The following AKAP8L variants were observed in gnomAD, a reference collection of about 807,000 sequenced individuals.
The protein encoded by AKAP8L is A-kinase anchoring protein 8 like.
Under a neutral mutation model 77.5 loss-of-function variants are expected in AKAP8L, and 34 were observed. The observed-to-expected ratio is 0.44, with a 90% CI of 0.33 to 0.58. AKAP8L has a LOEUF of 0.58. AKAP8L is among the 20% of genes least tolerant of loss of function. AKAP8L has a pLI of 0.02. For synonymous variants in AKAP8L, 342 were observed against 340.7 expected (o/e 1.00, Z -0.04); for missense variants, 806 against 887.6 (o/e 0.91, Z 1.17).
Position 15,403,619 on chromosome 19 carries a change from C to G in AKAP8L, c.218G>C (p.Ser73Thr), listed in dbSNP as rs541815464. 1.2e-6 allele frequency: 2 copies of G among 1,613,848 alleles called. No homozygotes were observed. Among genetic ancestry groups the G allele is most frequent in the South Asian group, 2.2e-5 (2 of 91,082 alleles). ...MATSHSWEMP[S>T]SDTNANTSAS... ...ACTAGTGTTTGCATTTGTGTCAGAG[C>G]TAGGCATTTCCCAAGAGTGTGAAGT... Residue 73 changes from serine to threonine, a missense_variant, in exon 4 of 14, where the codon AGC becomes ACC. Ser to Thr is a moderately conservative substitution (Grantham distance 58). This residue lies in a region of AKAP8L where 580 missense variants were observed against 694.1 expected (regional missense o/e 0.84). Transcript: ENST00000397410. The surrounding 1 kb of genome is among the most constrained non-coding windows in gnomAD (Gnocchi z 4.3).
chr19:15,407,333 G>A (rs1335828918), intron 2 of AKAP8L, among the ~76,000 whole-genome samples: 1 of 152,138 alleles, frequency 6.6e-6, no homozygotes, highest in Non-Finnish European at 1.5e-5. Context: ...AAATCAGTAA[G>A]CTGATAAAAA....
At chr19:15,418,293 C>CA (rs1412328044) in intron 1 of AKAP8L, among the ~76,000 whole-genome samples, 39 of 152,352 alleles carry the variant, frequency 2.6e-4, no homozygotes, top group African/African-American at 8.7e-4. Context: ...GTTCATTTGA[C>CA]AGACGCAGAG....
At chr19:15,394,553 G>GT (rs924014943) in intron 12 of AKAP8L, among the ~76,000 whole-genome samples, 17 of 151,972 alleles carry the variant, frequency 1.1e-4, no homozygotes, top group African/African-American at 3.6e-4. Context: ...CATTTGTTTG[G>GT]TTTTTTTAGA....
At position 15,380,559 on chromosome 19, in the gene AKAP8L, G is replaced by A; in HGVS notation, c.1590C>T (p.Leu530=). Residue 530 remains leucine (L), a synonymous_variant, in exon 13 of 14, where the codon CTC becomes CTT. Coordinates refer to ENST00000397410, the MANE Select transcript of AKAP8L (RefSeq NM_014371.4). ...KSSLMVARSI[L]NNKLISKKLE... ...GCTTCTTGCTGATGAGCTTGTTGTTGAGAATACTGCGGGCCACCATGAGGG... is the reference window on the plus strand; with the variant it reads ...GCTTCTTGCTGATGAGCTTGTTGTTAAGAATACTGCGGGCCACCATGAGGG... 4.3e-6 allele frequency: 7 copies of A among 1,613,928 alleles called. No individual in the cohort carries two copies. The highest frequency in any genetic ancestry group is 5.9e-6 in the Non-Finnish European group (7 of 1,179,894).
chr19:15,380,143 C>T lies in AKAP8L; in HGVS notation c.1920G>A (p.Glu640=). Reference sequence around the variant, plus strand: ...CGGGTCACGGGGCGCCCCCGCCGCCCTCCTCGTCGTCCTCCACGTCGAGGC... The same window carrying T: ...CGGGTCACGGGGCGCCCCCGCCGCCTTCCTCGTCGTCCTCCACGTCGAGGC... ...IPGLDVEDDE[E]GGGGAP is the part of the protein sequence containing the mutation. Residue 640 remains glutamate, a synonymous_variant, in exon 14 of 14, where the codon GAG becomes GAA. Coordinates refer to ENST00000397410, the MANE Select transcript of AKAP8L (RefSeq NM_014371.4). 1 of 1,500,202 alleles carries T rather than the reference C, an allele frequency of 6.7e-7. No homozygotes were observed. The highest frequency in any genetic ancestry group is 8.8e-7 in the Non-Finnish European group (1 of 1,133,578). 92.9% of individuals were successfully genotyped at this position (1,500,202 alleles called of 1,614,324 possible).
At position 15,395,840 on chromosome 19, in the gene AKAP8L, C is replaced by T. The variant is rs1049996630; in HGVS notation, c.1536+1310G>A. ...TCTACTAAAAATACAAAAAATTAGC[C>T]GGGCGTGGTAGCGGGCGCCTGTAGT... On this transcript the variant is annotated intron_variant, in intron 12 of 13. Coordinates refer to ENST00000397410, the MANE Select transcript of AKAP8L (RefSeq NM_014371.4). Among the ~76,000 whole-genome samples the T allele has an allele frequency of 8.4e-5, 12 of 143,654 alleles. No individual in the cohort carries two copies. In the East Asian group the frequency reaches 2.3e-3, roughly 28 times the overall value. The allele number at this position is 143,654 out of a possible 152,430, so 94.2% of individuals were successfully genotyped here.
rs929936186 is a variant in AKAP8L, at chr19:15,397,766, T to C, written c.1247A>G (p.His416Arg). The C allele has an allele frequency of 6.2e-7, 1 of 1,614,008 alleles. No individual in the cohort carries two copies. The highest frequency in any genetic ancestry group is 8.5e-7 in the Non-Finnish European group (1 of 1,179,888). Residue 416 changes from histidine to arginine, a missense_variant, in exon 10 of 14, where the codon CAC becomes CGC. This residue lies in a region of AKAP8L where 580 missense variants were observed against 694.1 expected (regional missense o/e 0.84). Transcript: ENST00000397410. The surrounding 1 kb of genome is among the most constrained non-coding windows in gnomAD (Gnocchi z 4.7). ...GAGCTTGGTGCCTACGTACTTAAAGTGTTCCTTGTGGAACTTGCTGTCAAG... is the reference window on the plus strand; with the variant it reads ...GAGCTTGGTGCCTACGTACTTAAAGCGTTCCTTGTGGAACTTGCTGTCAAG... ...SHLDSKFHKE[H>R]FKYVGTKLPK... is the part of the protein sequence containing the mutation.
At chr19:15,382,324 C>T (rs948484246) in intron 12 of AKAP8L, among the ~76,000 whole-genome samples, 10 of 151,950 alleles carry the variant, frequency 6.6e-5, no homozygotes, top group Non-Finnish European at 1.2e-4. Flanking sequence ...GCCTCAGCCT[C>T]CTGAGTAGCT....
In AKAP8L at chr19:15,398,636, C is replaced by G; in HGVS notation, c.1157+666G>C. 1 of 986,610 alleles carries G rather than the reference C, an allele frequency of 1.0e-6. No individual in the cohort carries two copies. The highest frequency in any genetic ancestry group is 1.2e-6 in the Non-Finnish European group (1 of 830,626). 61.1% of individuals were successfully genotyped at this position (986,610 alleles called of 1,614,324 possible). ...CCTCGGGGCGGGTCCCTACCTCTGC[C>G]GGACGTCCTTATCTGGGCCACGGGG... On this transcript the variant is annotated intron_variant, in intron 9 of 13. Transcript: ENST00000397410. This position sits in a 1 kb window ranked among gnomAD's most constrained non-coding sequence, Gnocchi z 9.2.
At position 15,399,668 on chromosome 19, in the gene AKAP8L, A is replaced by G; in HGVS notation, c.1049-258T>C. 3.9e-6 allele frequency: 2 copies of G among 512,920 alleles called. No individual in the cohort carries two copies. The highest frequency in any genetic ancestry group is 3.5e-6 in the Non-Finnish European group (1 of 283,534). The allele number at this position is 512,920 out of a possible 1,614,324, so 31.8% of individuals were successfully genotyped here. On this transcript the variant is annotated intron_variant, in intron 8 of 13. Transcript: ENST00000397410. This position sits in a 1 kb window ranked among gnomAD's most constrained non-coding sequence, Gnocchi z 6.1. ...ACCCATGCTCTCTGTGCAGTGGGCC[A>G]GGAGGAGGCTGGAAAGCAAAGAGGG...
chr19:15,418,589 G>A (rs1215145896), intron 1 of AKAP8L, among the ~76,000 whole-genome samples: 2 of 152,214 alleles, frequency 1.3e-5, no homozygotes, highest in Non-Finnish European at 2.9e-5. Context: ...AACCTAAGGC[G>A]TCGAGGTCCA....
At chr19:15,384,547 G>A (rs999843056) in intron 12 of AKAP8L, among the ~76,000 whole-genome samples, 7 of 151,160 alleles carry the variant, frequency 4.6e-5, no homozygotes, top group Non-Finnish European at 7.4e-5. Context: ...CAATCCACCC[G>A]CCTCAGCCTC....
Position 15,400,139 on chromosome 19 carries a change from G to A in AKAP8L, c.1048+156C>T, listed in dbSNP as rs1443860563. The A allele has an allele frequency of 5.7e-5, 40 of 700,130 alleles. No individual in the cohort carries two copies. In the East Asian group the frequency reaches 7.6e-4, roughly 13 times the overall value. The allele number at this position is 700,130 out of a possible 1,614,324, so 43.4% of individuals were successfully genotyped here. A position where few individuals can be genotyped will look rare whatever the true frequency, so the allele number is the denominator to read the frequency against. On this transcript the variant is annotated intron_variant, in intron 8 of 13. Transcript: ENST00000397410. ...GGAAGAGTGGGAAGGGGGTGGAGGC[G>A]GCGAAAAGAAAGCCCCCTGCCAGCA...
intron 12 of AKAP8L, among the ~76,000 whole-genome samples, chr19:15,386,927 G>C (rs1967551044): frequency 6.6e-6 from 1 of 152,146 alleles, no homozygotes; most frequent in African/African-American, 2.4e-5. Flanking sequence ...CCAAAGTGCT[G>C]GGATTACAGG....
At chr19:15,400,590 A>AG in intron 7 of AKAP8L, 1 of 736,568 alleles carries the variant, frequency 1.4e-6, no homozygotes, top group Non-Finnish European at 2.2e-6. Flanking sequence ...CCTGGTGCAC[A>AG]GGGGCTCATC....
rs113861086 is a variant in AKAP8L, at chr19:15,410,035, C to T, written c.88+485G>A. On this transcript the variant is annotated intron_variant, in intron 2 of 13. Transcript: ENST00000397410. ...TCGGCTCACTGTAACCTCTGCCTCC[C>T]GGGTTCAAGTGATTCCCCTGCCTCA... is the stretch of plus-strand genomic sequence containing the variant. Among the ~76,000 whole-genome samples, 1,267 of 152,204 alleles carry T rather than the reference C, an allele frequency of 8.3e-3. 7 individuals carry two copies. Among genetic ancestry groups the T allele is most frequent in the Non-Finnish European group, 0.013 (912 of 68,010 alleles).
chr19:15,391,361 G>A (rs1967654511), intron 12 of AKAP8L, among the ~76,000 whole-genome samples: 1 of 145,554 alleles, frequency 6.9e-6, no homozygotes, highest in South Asian at 2.2e-4. Context: ...GGGAGGCTGA[G>A]GCAGGAGAAT....
chr19:15,391,629 C>T (rs1468760378), intron 12 of AKAP8L, among the ~76,000 whole-genome samples: 1 of 150,838 alleles, frequency 6.6e-6, no homozygotes, highest in Non-Finnish European at 1.5e-5. Context: ...ACCTCCGCCT[C>T]CCGGGTTCAC....
intron 7 of AKAP8L, 124 bp from the exon 8 acceptor site, chr19:15,400,482 A>T: frequency 9.9e-7 from 1 of 1,011,526 alleles, no homozygotes; most frequent in Non-Finnish European, 1.5e-6. Context: ...GAGCAGGGCT[A>T]TCCTATAGGC....
Sources: allele counts gnomAD v4.1 joint callset (sites outside exome capture counted in the v4.1 genomes callset), GRCh38; gene constraint gnomAD v4.1.1; regional missense constraint gnomAD v4.1.1; non-coding constraint Gnocchi (gnomAD v3.1); transcripts MANE v1.5; gene names NCBI Gene and HGNC (gene_info 2026-07-23, HGNC 2026-07-21).